NET1: variants seen among roughly 807,000 people sequenced by gnomAD.
NET1 encodes neuroepithelial cell transforming 1, also known as neuroepithelial cell-transforming gene 1 protein.
A neutral mutation model predicts 61.1 loss-of-function variants in NET1; 42 were observed. The observed-to-expected ratio is 0.69, with a 90% CI of 0.54 to 0.89. The LOEUF (loss-of-function observed/expected upper bound fraction) is 0.89, where lower values mean the gene tolerates loss of function less well. Among genes scored for constraint, NET1 ranks in the 40% least tolerant of loss-of-function variants. The pLI is 0.00. For synonymous variants in NET1, 254 were observed against 281.8 expected (o/e 0.90, Z 0.99); for missense variants, 654 against 747.3 (o/e 0.88, Z 1.46).
rs928832432 is a variant in NET1, at chr10:5,427,997, G to A, written c.196-1173G>A. Among the ~76,000 whole-genome samples the A allele has an allele frequency of 6.7e-6, 1 of 148,210 alleles. No homozygotes were observed. Among genetic ancestry groups the A allele is most frequent in the Non-Finnish European group, 1.5e-5 (1 of 67,478 alleles). Reference sequence around the variant, plus strand: ...GTAGCTTGCTTTCTGAGACTGCCTGGCTCTGTTACTTTCTCCACTTCTATC... The same window carrying A: ...GTAGCTTGCTTTCTGAGACTGCCTGACTCTGTTACTTTCTCCACTTCTATC... On this transcript the variant is annotated intron_variant, in intron 2 of 11. Coordinates refer to ENST00000355029, the MANE Select transcript of NET1 (RefSeq NM_001047160.3). This position sits in a 1 kb window ranked among gnomAD's most constrained non-coding sequence, Gnocchi z 4.1.
rs2119167787 is a variant in NET1 at position 5,420,662 on chromosome 10, C to A, written c.129-5993C>A. ...CCAGGCTGGAGTGCAGTGGCGCGAT[C>A]TCGGCTCACTGTAGCCTCCGACTCC... On this transcript the variant is annotated intron_variant, in intron 1 of 11. Coordinates refer to ENST00000355029, the MANE Select transcript of NET1 (RefSeq NM_001047160.3). This position sits in a 1 kb window ranked among gnomAD's most constrained non-coding sequence, Gnocchi z 5.3. Among the ~76,000 whole-genome samples, 2 of 152,238 alleles carry A rather than the reference C, an allele frequency of 1.3e-5. 1 individual carries two copies.
rs750390330 is a variant in NET1 at position 5,454,411 on chromosome 10, G to C, written c.915G>C (p.Trp305Cys). Reference sequence around the variant, plus strand: ...CCTTCAGTCGAAAACTAGATCTTTGGAGTTTCCTAGATATCCCTCGAAGTC... The same window carrying C: ...CCTTCAGTCGAAAACTAGATCTTTGCAGTTTCCTAGATATCCCTCGAAGTC... ...ESPFSRKLDL[W>C]SFLDIPRSRL... The change falls in exon 9 of 12, where the codon TGG (tryptophan) becomes TGC (cysteine). Residue 305 changes from tryptophan to cysteine, a missense_variant. Coordinates refer to ENST00000355029, the MANE Select transcript of NET1 (RefSeq NM_001047160.3). The surrounding 1 kb of genome is among the most constrained non-coding windows in gnomAD (Gnocchi z 8.1). The C allele has an allele frequency of 3.0e-5, 49 of 1,613,976 alleles. No homozygotes were observed.
chr10:5,430,341 AT>A (rs1165574476), intron 3 of NET1, among the ~76,000 whole-genome samples: 1 of 151,340 alleles, frequency 6.6e-6, no homozygotes, highest in African/African-American at 2.4e-5. Flanking sequence ...ATCTGTAAAT[AT>A]TCCATTTACT....
chr10:5,419,881 AG>A (rs1832143697), intron 1 of NET1, among the ~76,000 whole-genome samples: 2 of 83,964 alleles, frequency 2.4e-5, no homozygotes, highest in African/African-American at 4.4e-5. Flanking sequence ...TTAAGAAGTC[AG>A]AATCTTTTTG....
In NET1 at chr10:5,431,473, A is replaced by G. The variant is rs1360086195; in HGVS notation, c.255+2244A>G. ...CTCTCAAAATGGATGCTCATTGCCTACATGCATTTTTTTCTTGGTGGTTGC... is the reference window on the plus strand; with the variant it reads ...CTCTCAAAATGGATGCTCATTGCCTGCATGCATTTTTTTCTTGGTGGTTGC... On this transcript the variant is annotated intron_variant, in intron 3 of 11. Transcript: ENST00000355029. This position sits in a 1 kb window ranked among gnomAD's most constrained non-coding sequence, Gnocchi z 4.9. Among the ~76,000 whole-genome samples, 2 of 150,858 alleles carry G rather than the reference A, an allele frequency of 1.3e-5. No individual in the cohort carries two copies. The highest frequency in any genetic ancestry group is 2.4e-5 in the African/African-American group (1 of 40,922).
rs889365460 is a variant in NET1 at position 5,456,071 on chromosome 10, T to C, written c.1198-16T>C. ...ACACAAGTTTCCTATTTAGCGTTTG[T>C]TTCCCATTTCTCCAGAAACTTTACA... On this transcript the variant is annotated splice_polypyrimidine_tract_variant and intron_variant, in intron 10 of 11. Transcript: ENST00000355029. The surrounding 1 kb of genome is among the most constrained non-coding windows in gnomAD (Gnocchi z 7.0). 2.5e-6 allele frequency: 4 copies of C among 1,599,542 alleles called. No homozygotes were observed. Among genetic ancestry groups the C allele is most frequent in the East Asian group, 2.2e-5 (1 of 44,616 alleles).
At position 5,455,231 on chromosome 10, in the gene NET1, G is replaced by A. The variant is rs1832777172; in HGVS notation, c.1197+113G>A. 15 of 986,984 alleles carry A rather than the reference G, an allele frequency of 1.5e-5. No individual in the cohort carries two copies. The highest frequency in any genetic ancestry group is 2.2e-5 in the Non-Finnish European group (15 of 669,606). 61.1% of individuals were successfully genotyped at this position (986,984 alleles called of 1,614,324 possible). On this transcript the variant is annotated intron_variant, in intron 10 of 11. Coordinates refer to ENST00000355029, the MANE Select transcript of NET1 (RefSeq NM_001047160.3). This position sits in a 1 kb window ranked among gnomAD's most constrained non-coding sequence, Gnocchi z 6.5. The stretch of plus-strand genomic sequence containing the variant: ...GGAAAGTCATGACATAGTAAAAGAA[G>A]GTTGCCAATTTTAATTTTATATTAC...
In NET1 at chr10:5,455,361, G is replaced by A. The variant is rs1205977953; in HGVS notation, c.1197+243G>A. On this transcript the variant is annotated intron_variant, in intron 10 of 11. Transcript: ENST00000355029. The surrounding 1 kb of genome is among the most constrained non-coding windows in gnomAD (Gnocchi z 6.5). ...GCATAAATCAACTTGTTAGGCCAGG[G>A]GTTCCTGTCTAAATACAGTATTAGT... 6.6e-6 allele frequency among the ~76,000 whole-genome samples: 1 copy of A among 151,930 alleles called. No individual in the cohort carries two copies. The highest frequency in any genetic ancestry group is 1.5e-5 in the Non-Finnish European group (1 of 67,974).
In NET1 at chr10:5,439,239, G is replaced by A. The variant is rs1390303181; in HGVS notation, c.255+10010G>A. Among the ~76,000 whole-genome samples the A allele has an allele frequency of 3.9e-5, 6 of 152,244 alleles. No individual in the cohort carries two copies. In the South Asian group the frequency reaches 8.3e-4, roughly 21 times the overall value. ...TGACACTGGAGTGTTCTCCTTTGCC[G>A]CTCTCTTTAGGATTACCCCTGAATG... On this transcript the variant is annotated intron_variant, in intron 3 of 11. Coordinates refer to ENST00000355029, the MANE Select transcript of NET1 (RefSeq NM_001047160.3). The surrounding 1 kb of genome is among the most constrained non-coding windows in gnomAD (Gnocchi z 4.8).
chr10:5,456,910 A>T lies in NET1; in HGVS notation c.1707A>T (p.Leu569Phe), dbSNP rs753371663. ...GMQMAEDSKS[L>F]KTHQTQPGIR... ...AGATGGCAGAGGACAGCAAGAGCTT[A>T]AAGACACACCAGACACAGCCCGGCA... The change falls in exon 12 of 12, where the codon TTA becomes TTT. Residue 569 changes from leucine (L) to phenylalanine (F), a missense_variant. By Grantham distance (22) the Leu-to-Phe change is conservative. Coordinates refer to ENST00000355029, the MANE Select transcript of NET1 (RefSeq NM_001047160.3). This position sits in a 1 kb window ranked among gnomAD's most constrained non-coding sequence, Gnocchi z 7.0. 4 of 1,613,558 alleles carry T rather than the reference A, an allele frequency of 2.5e-6. No homozygotes were observed. In the African/African-American group the frequency reaches 5.3e-5, roughly 22 times the overall value.
rs770916212 is a variant in NET1 at position 5,426,237 on chromosome 10, C to T, written c.129-418C>T. ...TGAAGTTAGGTTTTGTTAAGAGTAT[C>T]CTTTTATTTTTGTTTTTTAAAATAC... is the stretch of plus-strand genomic sequence containing the variant. On this transcript the variant is annotated intron_variant, in intron 1 of 11. Transcript: ENST00000355029. The surrounding 1 kb of genome is among the most constrained non-coding windows in gnomAD (Gnocchi z 4.6). Among the ~76,000 whole-genome samples, 2 of 151,984 alleles carry T rather than the reference C, an allele frequency of 1.3e-5. No homozygotes were observed. The highest frequency in any genetic ancestry group is 2.4e-5 in the African/African-American group (1 of 41,404).
intron 3 of NET1, among the ~76,000 whole-genome samples, chr10:5,450,060 CGT>C (rs1406304445): frequency 1.8e-5 from 2 of 108,122 alleles, no homozygotes; most frequent in Admixed American, 1.1e-4. Context: ...CCTGCACACG[CGT>C]GTGTCAGTCA....
rs924074912 is a variant in NET1, at chr10:5,447,341, G to A, written c.256-4489G>A. Reference sequence around the variant, plus strand: ...CCACTTTTTTCTTCAGAAGGAAAGAGGCATGTTAGAATATTTAAACCAGTG... The same window carrying A: ...CCACTTTTTTCTTCAGAAGGAAAGAAGCATGTTAGAATATTTAAACCAGTG... On this transcript the variant is annotated intron_variant, in intron 3 of 11. Transcript: ENST00000355029. This position sits in a 1 kb window ranked among gnomAD's most constrained non-coding sequence, Gnocchi z 4.1. 2.0e-5 allele frequency among the ~76,000 whole-genome samples: 3 copies of A among 152,092 alleles called. No individual in the cohort carries two copies. Among genetic ancestry groups the A allele is most frequent in the Admixed American group, 1.3e-4 (2 of 15,276 alleles).
rs78007699 is a variant in NET1, at chr10:5,450,941, A to G, written c.256-889A>G. Among the ~76,000 whole-genome samples the G allele has an allele frequency of 6.5e-3, 989 of 152,342 alleles. 37 individuals are homozygous for G. The East Asian group carries it at 0.11, about 16-fold the overall frequency. On this transcript the variant is annotated intron_variant, in intron 3 of 11. Transcript: ENST00000355029. ...ATAACTATTTCTTCTCGATTTGTAT[A>G]TATCTTTCCTTTAAGTTAATAAATT...
chr10:5,417,173 G>A lies in NET1; in HGVS notation c.128+4353G>A, dbSNP rs79236193. ...ATGGCCTGCCAGCTGGCCTGCCAGC[G>A]TGCTGGTGTACTCCCACGTCGATGT... On this transcript the variant is annotated intron_variant, in intron 1 of 11. Coordinates refer to ENST00000355029, the MANE Select transcript of NET1 (RefSeq NM_001047160.3). This position sits in a 1 kb window ranked among gnomAD's most constrained non-coding sequence, Gnocchi z 5.5. 0.022 allele frequency among the ~76,000 whole-genome samples: 3,188 copies of A among 145,838 alleles called. 95 individuals are homozygous for A. The highest frequency in any genetic ancestry group is 0.077 in the African/African-American group (3,004 of 39,226).
In NET1 at chr10:5,455,184, G is replaced by T; in HGVS notation, c.1197+66G>T. On this transcript the variant is annotated intron_variant, in intron 10 of 11. Coordinates refer to ENST00000355029, the MANE Select transcript of NET1 (RefSeq NM_001047160.3). The surrounding 1 kb of genome is among the most constrained non-coding windows in gnomAD (Gnocchi z 6.5). ...CTGCCTCTTTAACTTTTACACGTTT[G>T]TTATGAAGCAGGCTTGTAAAGGGAA... 6.7e-7 allele frequency: 1 copy of T among 1,500,174 alleles called. No homozygotes were observed. The highest frequency in any genetic ancestry group is 1.7e-5 in the Admixed American group (1 of 57,944). The allele number at this position is 1,500,174 out of a possible 1,614,324, so 92.9% of individuals were successfully genotyped here.
chr10:5,453,660 C>A lies in NET1; in HGVS notation c.768+100C>A, dbSNP rs1832746291. The A allele has an allele frequency of 2.9e-6, 3 of 1,018,088 alleles. No individual in the cohort carries two copies. Among genetic ancestry groups the A allele is most frequent in the Non-Finnish European group, 3.1e-6 (2 of 644,634 alleles). 63.1% of individuals were successfully genotyped at this position (1,018,088 alleles called of 1,614,324 possible). A position where few individuals can be genotyped will look rare whatever the true frequency, so the allele number is the denominator to read the frequency against. On this transcript the variant is annotated intron_variant, in intron 8 of 11. Coordinates refer to ENST00000355029, the MANE Select transcript of NET1 (RefSeq NM_001047160.3). The surrounding 1 kb of genome is among the most constrained non-coding windows in gnomAD (Gnocchi z 4.9). ...ACAGATTTGATCCCACAACTCTGTT[C>A]TACAAACACATAAGGCGTTAAAACT...
intron 1 of NET1, among the ~76,000 whole-genome samples, chr10:5,414,117 C>T (rs1207235098): frequency 6.6e-6 from 1 of 151,998 alleles, no homozygotes; most frequent in Non-Finnish European, 1.5e-5. Context: ...CTGATGAGTT[C>T]TGGGTATATA....
At position 5,451,752 on chromosome 10, in the gene NET1, G is replaced by C; in HGVS notation, c.256-78G>C. The C allele has an allele frequency of 1.9e-6, 2 of 1,070,956 alleles. No homozygotes were observed. The highest frequency in any genetic ancestry group is 1.6e-5 in the African/African-American group (1 of 63,498). 66.3% of individuals were successfully genotyped at this position (1,070,956 alleles called of 1,614,324 possible). A position where few individuals can be genotyped will look rare whatever the true frequency, so the allele number is the denominator to read the frequency against. ...AATGTACAAAAATTGTTTTGTGAGA[G>C]GGCTTTACTTTGTCCAAGTTTGTAT... On this transcript the variant is annotated intron_variant, in intron 3 of 11. Transcript: ENST00000355029. This position sits in a 1 kb window ranked among gnomAD's most constrained non-coding sequence, Gnocchi z 6.1.
Sources: gnomAD v4.1 joint callset for allele counts (sites outside exome capture counted in the v4.1 genomes callset) on GRCh38, gnomAD v4.1.1 for gene constraint, Gnocchi (gnomAD v3.1) non-coding constraint, MANE v1.5 for transcripts, NCBI Gene and HGNC (gene_info 2026-07-23, HGNC 2026-07-21) for gene names.